The following BCAS1 variants were observed in gnomAD, a reference collection of about 807,000 sequenced individuals.
BCAS1 encodes breast carcinoma-amplified sequence 1.
A neutral mutation model predicts 65.4 loss-of-function variants in BCAS1; 46 were observed. The observed-to-expected ratio is 0.70, with a 90% CI of 0.55 to 0.90. The LOEUF (loss-of-function observed/expected upper bound fraction) is 0.90, where lower values mean the gene tolerates loss of function less well. Among genes scored for constraint, BCAS1 ranks in the 40% least tolerant of loss-of-function variants. The pLI is 0.00. For synonymous variants in BCAS1, 298 were observed against 293.5 expected, an observed-to-expected ratio of 1.02 and a Z score of -0.16; for missense variants, 793 against 771.2, an observed-to-expected ratio of 1.03 and a Z score of -0.33.
At chr20:54,017,419 G>A (rs1034293495) in intron 4 of BCAS1, among the ~76,000 whole-genome samples, 4 of 145,868 alleles carry the variant, frequency 2.7e-5, no homozygotes, top group African/African-American at 1.0e-4. Flanking sequence ...TTTTTGAGGT[G>A]GAGTCTCGCT....
At chr20:53,963,072 G>A (rs1178432409) in intron 10 of BCAS1, among the ~76,000 whole-genome samples, 3 of 151,332 alleles carry the variant, frequency 2.0e-5, no homozygotes, top group Non-Finnish European at 3.0e-5. Flanking sequence ...GGATGGTCTC[G>A]ATCTCCTGAC....
At chr20:54,013,035 AACCATCAGCCATACAACATATGTT>A (rs1409022049) in intron 4 of BCAS1, among the ~76,000 whole-genome samples, 1 of 152,222 alleles carries the variant, frequency 6.6e-6, no homozygotes, top group East Asian at 1.9e-4. Context: ...TCTACTTTGT[AACCATCAGCCATACAACATATGTT>A]ACCATCAACC....
intron 4 of BCAS1, among the ~76,000 whole-genome samples, chr20:54,016,579 T>C (rs1305392696): frequency 1.3e-5 from 2 of 152,200 alleles, no homozygotes; most frequent in African/African-American, 4.8e-5. Context: ...AGAAAGCATG[T>C]GTGTTTGAAG....
chr20:53,997,499 G>C (rs1275833948), intron 4 of BCAS1, among the ~76,000 whole-genome samples: 1 of 152,140 alleles, frequency 6.6e-6, no homozygotes, highest in African/African-American at 2.4e-5. Flanking sequence ...CATTCACAGT[G>C]TGTATAGTTG....
intron 11 of BCAS1, among the ~76,000 whole-genome samples, chr20:53,955,220 A>AAGG (rs1295367129): frequency 1.3e-5 from 2 of 152,186 alleles, no homozygotes; most frequent in Non-Finnish European, 2.9e-5. Flanking sequence ...CCCGGTCCAG[A>AAGG]AGGCCTCCAC....
chr20:54,014,109 G>A (rs544036415), intron 4 of BCAS1, among the ~76,000 whole-genome samples: 2 of 152,350 alleles, frequency 1.3e-5, no homozygotes, highest in East Asian at 3.9e-4. Context: ...CAGGCCACCA[G>A]TGTGTGGCCT....
At chr20:54,006,562 T>C (rs1428417330) in intron 4 of BCAS1, among the ~76,000 whole-genome samples, 1 of 151,792 alleles carries the variant, frequency 6.6e-6, no homozygotes, top group Non-Finnish European at 1.5e-5. Context: ...ATACAAAAAT[T>C]AGCTAGGCGT....
At chr20:53,949,775 G>T (rs1382167090) in intron 12 of BCAS1, among the ~76,000 whole-genome samples, 3 of 152,302 alleles carry the variant, frequency 2.0e-5, no homozygotes, top group Middle Eastern at 3.4e-3. Flanking sequence ...CTTCTTGGAG[G>T]CCTGGCTTAT....
At chr20:53,952,361 T>C (rs1270749572) in intron 12 of BCAS1, among the ~76,000 whole-genome samples, 1 of 152,182 alleles carries the variant, frequency 6.6e-6, no homozygotes, top group Non-Finnish European at 1.5e-5. Context: ...TTCCATTTTG[T>C]AGAGGAGAGT....
Position 53,963,296 on chromosome 20 carries a change from A to C in BCAS1, c.1485+3610T>G, listed in dbSNP as rs377635574. Among the ~76,000 whole-genome samples the C allele has an allele frequency of 7.9e-5, 12 of 151,902 alleles. 1 individual carries two copies. Among genetic ancestry groups the C allele is most frequent in the East Asian group, 3.9e-4 (2 of 5,096 alleles). The stretch of plus-strand genomic sequence containing the variant: ...CAGGAGTTTGAGACCAGCCTGGCCA[A>C]TATGGTGAAACCCTGTCTCTTCTAA... On this transcript the variant is annotated intron_variant, in intron 10 of 12. Coordinates refer to ENST00000688948, the MANE Select transcript of BCAS1 (RefSeq NM_001366298.2).
At position 53,957,420 on chromosome 20, in the gene BCAS1, G is replaced by C. The variant is rs1250156662; in HGVS notation, c.1551+12C>G. The C allele has an allele frequency of 6.2e-7, 1 of 1,611,186 alleles. No individual in the cohort carries two copies. Among genetic ancestry groups the C allele is most frequent in the South Asian group, 1.1e-5 (1 of 91,032 alleles). The stretch of plus-strand genomic sequence containing the variant: ...CTAATCCCACCACCAAACTGAGTTC[G>C]AGGTCACTTACTTGGCAGCTGGAGT... On this transcript the variant is annotated intron_variant, in intron 11 of 12. Coordinates refer to ENST00000688948, the MANE Select transcript of BCAS1 (RefSeq NM_001366298.2).
At chr20:53,974,794 T>C (rs1315501728) in intron 9 of BCAS1, among the ~76,000 whole-genome samples, 2 of 152,222 alleles carry the variant, frequency 1.3e-5, no homozygotes, top group Non-Finnish European at 2.9e-5. Context: ...TATAGCACCA[T>C]CCCTTTCGGG....
chr20:53,975,531 G>A (rs3815270), intron 8 of BCAS1, 101 bp from the exon 9 acceptor site: 139,667 of 812,486 alleles, frequency 0.17, 12,821 homozygotes, highest in Middle Eastern at 0.24. Context: ...CTTGGGGTGC[G>A]TTCGGGGACA....
intron 8 of BCAS1, among the ~76,000 whole-genome samples, chr20:53,979,212 A>G (rs187802708): frequency 3.3e-5 from 5 of 152,328 alleles, no homozygotes; most frequent in African/African-American, 1.2e-4. Flanking sequence ...GCCAGAATGT[A>G]TTGAAGTAGA....
chr20:53,968,107 C>A (rs1351571101), intron 9 of BCAS1, among the ~76,000 whole-genome samples: 2 of 152,232 alleles, frequency 1.3e-5, no homozygotes, highest in Non-Finnish European at 2.9e-5. Flanking sequence ...GATCCTCCTA[C>A]CTTGGCCTGC....
chr20:54,020,390 A>G (rs1455692853), intron 4 of BCAS1, among the ~76,000 whole-genome samples: 1 of 152,262 alleles, frequency 6.6e-6, no homozygotes, highest in Admixed American at 6.5e-5. Flanking sequence ...TTAAAGACCA[A>G]ATTTAAAATA....
chr20:53,988,890 T>G (rs902954537), intron 7 of BCAS1, among the ~76,000 whole-genome samples: 1 of 152,180 alleles, frequency 6.6e-6, no homozygotes, highest in Non-Finnish European at 1.5e-5. Flanking sequence ...AACCCAAGCA[T>G]TAATAGTGAC....
intron 3 of BCAS1, among the ~76,000 whole-genome samples, chr20:54,057,679 G>T (rs2146322539): frequency 6.6e-6 from 1 of 152,360 alleles, no homozygotes; most frequent in Admixed American, 6.5e-5. Context: ...ATCAAGTTAA[G>T]ATGAGGTTAT....
chr20:53,953,842 G>A, intron 11 of BCAS1, 147 bp from the exon 12 acceptor site: 1 of 959,688 alleles, frequency 1.0e-6, no homozygotes. Flanking sequence ...TATAAAAAAA[G>A]GTAAAATGTG....
Sources: allele counts gnomAD v4.1 joint callset (sites outside exome capture counted in the v4.1 genomes callset), GRCh38; gene constraint gnomAD v4.1.1; transcripts MANE v1.5; gene names NCBI Gene and HGNC (gene_info 2026-07-23, HGNC 2026-07-21).